The following GPC6 variants were observed in gnomAD, a reference collection of about 807,000 sequenced individuals.
GPC6 encodes glypican 6.
A neutral mutation model predicts 55.2 loss-of-function variants in GPC6; 14 were observed. The ratio of observed to expected loss-of-function variants is 0.25; its 90% confidence interval spans 0.17 to 0.40. The LOEUF is 0.40. GPC6 is among the 10% of genes least tolerant of loss of function. GPC6 has a pLI of 1.00. For missense variants in GPC6, 641 were observed against 708.5 expected (o/e 0.90, Z 1.08); for synonymous variants, 278 against 259.6 (o/e 1.07, Z -0.68).
chr13:94,031,010 G>A (rs1170903844), intron 4 of GPC6, among the ~76,000 whole-genome samples: 1 of 152,028 alleles, frequency 6.6e-6, no homozygotes, highest in Admixed American at 6.6e-5. Context: ...TAGTTGGGGT[G>A]TGTGTGCGTG....
At chr13:93,887,568 C>T (rs1875416773) in intron 3 of GPC6, among the ~76,000 whole-genome samples, 1 of 152,076 alleles carries the variant, frequency 6.6e-6, no homozygotes, top group Non-Finnish European at 1.5e-5. Flanking sequence ...GTGCAGATAG[C>T]TGCATTGACC....
At chr13:93,861,002 TACATA>T (rs60373235) in intron 3 of GPC6, among the ~76,000 whole-genome samples, 5,534 of 151,606 alleles carry the variant, frequency 0.037, 273 homozygotes, top group East Asian at 0.17. Context: ...GTGTTGCAGT[TACATA>T]ACAGCTCTGT....
intron 1 of GPC6, among the ~76,000 whole-genome samples, chr13:93,472,862 G>C (rs1376635073): frequency 6.6e-6 from 1 of 152,172 alleles, no homozygotes; most frequent in African/African-American, 2.4e-5. Context: ...GAGCTTTACT[G>C]AGCAACAGAA....
At position 94,144,539 on chromosome 13, in the gene GPC6, GTGTGTGTA is replaced by G. The variant is rs1384537569; in HGVS notation, c.877+116653_877+116660del. ...TAGGAAAAGATCATTCTTTGGGAGTGTGTGTGTATGTGTGTGTGTGTGTGTGTGTGTGT... is the reference window on the plus strand; with the variant it reads ...TAGGAAAAGATCATTCTTTGGGAGTGTGTGTGTGTGTGTGTGTGTGTGTGT... On this transcript the variant is annotated intron_variant, in intron 4 of 8. Coordinates refer to ENST00000377047, the MANE Select transcript of GPC6 (RefSeq NM_005708.5). 7.7e-3 allele frequency among the ~76,000 whole-genome samples: 472 copies of G among 61,506 alleles called. 5 individuals carry two copies. Among genetic ancestry groups the G allele is most frequent in the African/African-American group, 0.036 (433 of 12,130 alleles). The allele number at this position is 61,506 out of a possible 152,430, so 40.4% of individuals were successfully genotyped here.
At chr13:93,439,313 G>T (rs60610935) in intron 1 of GPC6, among the ~76,000 whole-genome samples, 1 of 152,024 alleles carries the variant, frequency 6.6e-6, no homozygotes, top group East Asian at 1.9e-4. Context: ...CACATGTTGT[G>T]GGAGGGACCC....
intron 2 of GPC6, among the ~76,000 whole-genome samples, chr13:93,677,737 A>T (rs1267039783): frequency 1.3e-5 from 2 of 152,186 alleles, no homozygotes; most frequent in Non-Finnish European, 1.5e-5. Context: ...AAACAGAGAT[A>T]AGGGTAAAAT....
intron 4 of GPC6, among the ~76,000 whole-genome samples, chr13:94,114,255 C>A (rs1886354971): frequency 6.6e-6 from 1 of 151,916 alleles, no homozygotes; most frequent in Non-Finnish European, 1.5e-5. Context: ...TCTTCTCTCT[C>A]AAAAATGGAA....
intron 1 of GPC6, among the ~76,000 whole-genome samples, chr13:93,506,972 G>A (rs1429633290): frequency 6.9e-6 from 1 of 144,380 alleles, no homozygotes; most frequent in Non-Finnish European, 1.5e-5. Context: ...GAGACAGAAT[G>A]GTGTGAACCC....
intron 1 of GPC6, among the ~76,000 whole-genome samples, chr13:93,303,279 A>C (rs1358069377): frequency 3.3e-5 from 5 of 152,164 alleles, no homozygotes; most frequent in Admixed American, 1.3e-4. Context: ...CACACCACTT[A>C]CTACCTTATG....
At chr13:94,021,029 G>A (rs139078737) in intron 3 of GPC6, among the ~76,000 whole-genome samples, 1 of 151,996 alleles carries the variant, frequency 6.6e-6, no homozygotes, top group African/African-American at 2.4e-5. Flanking sequence ...GACATATTAT[G>A]ACTCATTATG....
At chr13:94,109,586 C>T (rs1886169203) in intron 4 of GPC6, among the ~76,000 whole-genome samples, 1 of 152,048 alleles carries the variant, frequency 6.6e-6, no homozygotes, top group Non-Finnish European at 1.5e-5. Flanking sequence ...TTGTCGAATT[C>T]AGTAAGCAAA....
chr13:93,425,036 G>T (rs1390652397), intron 1 of GPC6, among the ~76,000 whole-genome samples: 1 of 152,064 alleles, frequency 6.6e-6, no homozygotes, highest in East Asian at 1.9e-4. Context: ...TCAGGGCTGG[G>T]ACAAGGGTAG....
chr13:94,199,856 G>A (rs1018339111), intron 4 of GPC6, among the ~76,000 whole-genome samples: 5 of 152,120 alleles, frequency 3.3e-5, no homozygotes, highest in African/African-American at 4.8e-5. Flanking sequence ...AGAGTTTCTC[G>A]TGTGTTAAAA....
At chr13:94,291,033 A>G (rs1240352245) in intron 5 of GPC6, among the ~76,000 whole-genome samples, 1 of 152,132 alleles carries the variant, frequency 6.6e-6, no homozygotes, top group Admixed American at 6.6e-5. Flanking sequence ...CTCTACTAAA[A>G]CTACAAAAAT....
intron 2 of GPC6, among the ~76,000 whole-genome samples, chr13:93,823,298 A>G (rs536209083): frequency 6.6e-6 from 1 of 152,086 alleles, no homozygotes; most frequent in Non-Finnish European, 1.5e-5. Flanking sequence ...TGGTCTGAAA[A>G]TTTGACTTAG....
chr13:93,688,846 G>A (rs961630239), intron 2 of GPC6, among the ~76,000 whole-genome samples: 4 of 151,966 alleles, frequency 2.6e-5, no homozygotes, highest in African/African-American at 7.2e-5. Flanking sequence ...GTAGATAGAA[G>A]TGATGGTTAC....
chr13:94,398,568 T>C lies in GPC6; in HGVS notation c.1392T>C (p.Ile464=), dbSNP rs569702550. Residue 464 remains isoleucine (I), a synonymous_variant, in exon 8 of 9, where the codon ATT becomes ATC. Transcript: ENST00000377047. The part of the protein sequence containing the change: ...TRPDTFIRQQ[I]MALRVMTNKL... ...CTGACACTTTCATCAGACAGCAGAT[T>C]ATGGCTCTCCGTGTGATGACCAACA... 3 of 1,614,016 alleles carry C rather than the reference T, an allele frequency of 1.9e-6. No individual in the cohort carries two copies. The highest frequency in any genetic ancestry group is 1.3e-5 in the African/African-American group (1 of 75,060).
rs67301424 is a variant in GPC6 at position 94,010,718 on chromosome 13, GGAA to G, written c.712-17009_712-17007del. Among the ~76,000 whole-genome samples the G allele has an allele frequency of 5.2e-3, 791 of 152,228 alleles. 9 individuals carry two copies. Among genetic ancestry groups the G allele is most frequent in the African/African-American group, 0.018 (765 of 41,546 alleles). On this transcript the variant is annotated intron_variant, in intron 3 of 8. Coordinates refer to ENST00000377047, the MANE Select transcript of GPC6 (RefSeq NM_005708.5). ...TATCTGCCTGACATAAGGCAATGTG[GGAA>G]GTATTCTTAGAACTCAGTAAAATTA...
intron 1 of GPC6, among the ~76,000 whole-genome samples, chr13:93,319,632 T>C (rs1009095054): frequency 6.6e-6 from 1 of 152,108 alleles, no homozygotes; most frequent in Non-Finnish European, 1.5e-5. Context: ...CAGCTTACAC[T>C]GTTTTCAGAA....
Sources: gnomAD v4.1 joint callset for allele counts (sites outside exome capture counted in the v4.1 genomes callset) on GRCh38, gnomAD v4.1.1 for gene constraint, MANE v1.5 for transcripts, NCBI Gene and HGNC (gene_info 2026-07-23, HGNC 2026-07-21) for gene names.